The following MBD5 variants were observed in gnomAD, a reference collection of about 807,000 sequenced individuals.
The protein encoded by MBD5 is methyl-CpG binding domain protein 5.
In MBD5, 13 loss-of-function variants were observed where a neutral mutation model predicts 117.3. The observed-to-expected ratio is 0.11, with a 90% confidence interval of 0.07 to 0.18. The LOEUF (loss-of-function observed/expected upper bound fraction) is 0.18, where lower values mean the gene tolerates loss of function less well. Ranked by LOEUF, MBD5 falls within the 10% of genes least tolerant of loss-of-function variation. MBD5 has a pLI of 1.00. For missense variants in MBD5, 1,879 were observed against 2,093.8 expected (o/e 0.90, Z 2.00); for synonymous variants, 727 against 766.4 (o/e 0.95, Z 0.85).
chr2:148,220,421 C>T (rs1207857152), intron 2 of MBD5, among the ~76,000 whole-genome samples: 3 of 152,076 alleles, frequency 2.0e-5, no homozygotes, highest in African/African-American at 7.2e-5. Flanking sequence ...TTCTTGTGAA[C>T]ATGCATTATG....
At chr2:148,072,471 A>G (rs1423161984) in intron 1 of MBD5, among the ~76,000 whole-genome samples, 1 of 152,192 alleles carries the variant, frequency 6.6e-6, no homozygotes, top group Non-Finnish European at 1.5e-5. Flanking sequence ...TATAAGTTAT[A>G]TAGTGTAAAC....
At chr2:148,133,441 C>T (rs747004744) in intron 1 of MBD5, among the ~76,000 whole-genome samples, 1 of 152,148 alleles carries the variant, frequency 6.6e-6, no homozygotes, top group African/African-American at 2.4e-5. Context: ...GTAAACTTTG[C>T]AAATTTGAAG....
intron 3 of MBD5, among the ~76,000 whole-genome samples, chr2:148,335,990 A>G (rs1453273037): frequency 6.6e-6 from 1 of 152,214 alleles, no homozygotes; most frequent in African/African-American, 2.4e-5. Flanking sequence ...TTTGGAACTG[A>G]GTCTGTGTAA....
chr2:148,482,987 C>T, intron 8 of MBD5, 123 bp from the exon 9 acceptor site: 1 of 1,044,944 alleles, frequency 9.6e-7, no homozygotes, highest in Non-Finnish European at 1.4e-6. Flanking sequence ...AATCTAGTTA[C>T]AATCAATGAA....
chr2:148,461,845 C>T (rs1362794778), intron 5 of MBD5, among the ~76,000 whole-genome samples: 1 of 152,108 alleles, frequency 6.6e-6, no homozygotes, highest in Non-Finnish European at 1.5e-5. Context: ...TCTGAAACTT[C>T]GTAACATTGA....
intron 1 of MBD5, among the ~76,000 whole-genome samples, chr2:148,175,859 C>T (rs902731150): frequency 1.3e-5 from 2 of 152,096 alleles, no homozygotes; most frequent in Non-Finnish European, 2.9e-5. Context: ...ATTAACTGTA[C>T]TACTTATAAT....
At chr2:148,256,795 G>A (rs951831306) in intron 3 of MBD5, among the ~76,000 whole-genome samples, 1 of 152,224 alleles carries the variant, frequency 6.6e-6, no homozygotes, top group Non-Finnish European at 1.5e-5. Flanking sequence ...GGTGCCTCAG[G>A]CCCCATGGCC....
chr2:148,362,195 G>A lies in MBD5; in HGVS notation c.-557+19859G>A, dbSNP rs1487301378. Among the ~76,000 whole-genome samples, 4 of 152,314 alleles carry A rather than the reference G, an allele frequency of 2.6e-5. 1 individual carries two copies. In the South Asian group the frequency reaches 6.2e-4, roughly 24 times the overall value. On this transcript the variant is annotated intron_variant, in intron 4 of 13. Coordinates refer to ENST00000642680, the MANE Select transcript of MBD5 (RefSeq NM_001378120.1). ...AGGGAGCCAAGTGGTCTAGCTCAGC[G>A]GATCCCAGCCCCACAGAGCGCAGCA...
intron 2 of MBD5, among the ~76,000 whole-genome samples, chr2:148,181,416 T>A (rs1206081061): frequency 3.3e-5 from 5 of 152,212 alleles, no homozygotes. Context: ...ATGTTTATGA[T>A]TAATTTAACC....
At chr2:148,183,776 T>C (rs1698584798) in intron 2 of MBD5, among the ~76,000 whole-genome samples, 2 of 152,154 alleles carry the variant, frequency 1.3e-5, no homozygotes, top group South Asian at 4.1e-4. Flanking sequence ...ATTTAAGGAT[T>C]TTATCAAAAA....
At chr2:148,376,244 A>C (rs1703981550) in intron 4 of MBD5, among the ~76,000 whole-genome samples, 1 of 148,134 alleles carries the variant, frequency 6.8e-6, no homozygotes, top group East Asian at 2.0e-4. Flanking sequence ...AAATATTCTT[A>C]TTATATTTCT....
In MBD5 at chr2:148,468,904, A is replaced by G. The variant is rs369869865; in HGVS notation, c.961A>G (p.Met321Val). Residue 321 changes from methionine (M) to valine (V), a missense_variant, in exon 8 of 14, where the codon ATG (methionine) becomes GTG (valine). By Grantham distance (21) the Met-to-Val change is conservative. Around this residue, in one of 4 missense-constraint regions of MBD5, gnomAD observed 1,666 missense variants for 1,792.2 expected, o/e 0.93. Coordinates refer to ENST00000642680, the MANE Select transcript of MBD5 (RefSeq NM_001378120.1). The stretch of plus-strand genomic sequence containing the variant: ...ACCAATGTGTAATTTTTCAACTAAT[A>G]TGGAAATACCACGAGCAATGTTCCA... ...KKPMCNFSTN[M>V]EIPRAMFHHK... 34 of 1,613,776 alleles carry G rather than the reference A, an allele frequency of 2.1e-5. No individual in the cohort carries two copies. Among genetic ancestry groups the G allele is most frequent in the Non-Finnish European group, 2.6e-5 (31 of 1,179,900 alleles).
At chr2:148,239,729 A>G (rs1700172111) in intron 3 of MBD5, among the ~76,000 whole-genome samples, 1 of 151,880 alleles carries the variant, frequency 6.6e-6, no homozygotes, top group Admixed American at 6.6e-5. Flanking sequence ...ATATATTGAG[A>G]TAGGGTCTTG....
rs1559065343 is a variant in MBD5 at position 148,424,195 on chromosome 2, A to AC, written c.-556-34008_-556-34007insC. Among the ~76,000 whole-genome samples the AC allele has an allele frequency of 1.6e-3, 131 of 81,992 alleles. 1 individual carries two copies. The highest frequency in any genetic ancestry group is 8.5e-3 in the African/African-American group (125 of 14,726). The allele number at this position is 81,992 out of a possible 152,430, so 53.8% of individuals were successfully genotyped here. On this transcript the variant is annotated intron_variant, in intron 4 of 13. Transcript: ENST00000642680. ...TCTGTCTCAAAAAAAAAAAAAAAAA[A>AC]AAAAAAAAAAAAAAAAAAAAACAGC...
At chr2:148,315,140 A>C (rs1477289488) in intron 3 of MBD5, among the ~76,000 whole-genome samples, 1 of 152,222 alleles carries the variant, frequency 6.6e-6, no homozygotes, top group East Asian at 1.9e-4. Flanking sequence ...ATAGTTCTTT[A>C]GCTAGGTTAC....
chr2:148,224,740 G>C (rs561727337), intron 2 of MBD5, among the ~76,000 whole-genome samples: 1 of 151,656 alleles, frequency 6.6e-6, no homozygotes, highest in Non-Finnish European at 1.5e-5. Context: ...GGGTGTGTCA[G>C]TGTTGGGTGC....
At chr2:148,400,994 A>G (rs1320026544) in intron 4 of MBD5, among the ~76,000 whole-genome samples, 1 of 152,170 alleles carries the variant, frequency 6.6e-6, no homozygotes, top group Non-Finnish European at 1.5e-5. Context: ...AAATCTGTGG[A>G]TGGTTGTTTA....
At chr2:148,251,068 T>C (rs570986815) in intron 3 of MBD5, among the ~76,000 whole-genome samples, 7 of 152,316 alleles carry the variant, frequency 4.6e-5, no homozygotes, top group Admixed American at 2.0e-4. Flanking sequence ...AGTATAGTGC[T>C]ATAGGTACTA....
chr2:148,512,830 C>T (rs1682257762), intron 13 of MBD5, 40 bp from the exon 14 acceptor site: 1 of 1,557,840 alleles, frequency 6.4e-7, no homozygotes, highest in Non-Finnish European at 8.9e-7. Context: ...TGATTTCATC[C>T]TCTGTTGTTG....
Sources: allele counts gnomAD v4.1 joint callset (sites outside exome capture counted in the v4.1 genomes callset), GRCh38; gene constraint gnomAD v4.1.1; regional missense constraint gnomAD v4.1.1; transcripts MANE v1.5; gene names NCBI Gene and HGNC (gene_info 2026-07-23, HGNC 2026-07-21).